BLVRA: variants seen among roughly 807,000 people sequenced by gnomAD.
BLVRA encodes biliverdin reductase A.
Under a neutral mutation model 32.8 loss-of-function variants are expected in BLVRA, and 22 were observed. That is an observed-to-expected ratio of 0.67 (90% CI 0.48 to 0.96). The LOEUF (loss-of-function observed/expected upper bound fraction) is 0.96, where lower values mean the gene tolerates loss of function less well. Ranked by LOEUF, BLVRA falls within the 40% of genes least tolerant of loss-of-function variation. The probability of loss-of-function intolerance (pLI) is 0.00; values close to 1 mark genes in which losing one functional copy is unlikely to be tolerated. For missense variants in BLVRA, 323 were observed against 358.1 expected, an observed-to-expected ratio of 0.90 and a Z score of 0.79; for synonymous variants, 119 against 141.3, an observed-to-expected ratio of 0.84 and a Z score of 1.12.
At chr7:43,790,385 T>C (rs1162707821) in intron 3 of BLVRA, among the ~76,000 whole-genome samples, 3 of 152,008 alleles carry the variant, frequency 2.0e-5, no homozygotes, top group Non-Finnish European at 4.4e-5. Flanking sequence ...GGAGAACGAA[T>C]TCCTCACCTT....
At position 43,791,246 on chromosome 7, in the gene BLVRA, T is replaced by C; in HGVS notation, c.135-3T>C. 6.2e-7 allele frequency: 1 copy of C among 1,614,106 alleles called. No homozygotes were observed. The highest frequency in any genetic ancestry group is 8.5e-7 in the Non-Finnish European group (1 of 1,180,012). ...GTTCCATTTCTCTGTTACTCTGAAA[T>C]AGAAGGGAGCTCGGGAGCATTGATG... On this transcript the variant is annotated splice_region_variant and splice_polypyrimidine_tract_variant and intron_variant, in intron 3 of 7. Transcript: ENST00000265523.
At chr7:43,778,604 C>G (rs1432794222) in intron 2 of BLVRA, among the ~76,000 whole-genome samples, 1 of 152,248 alleles carries the variant, frequency 6.6e-6, no homozygotes, top group Non-Finnish European at 1.5e-5. Flanking sequence ...GCTCGGGGGT[C>G]AGGGACCCAC....
rs372668113 is a variant in BLVRA at position 43,759,103 on chromosome 7, G to T, written c.-22+369G>T. Reference sequence around the variant, plus strand: ...CGTAGTCCGGCGGCTCCAGGAGCGCGAGCGGCTGGGCCCGGGCGTAGCCAC... The same window carrying T: ...CGTAGTCCGGCGGCTCCAGGAGCGCTAGCGGCTGGGCCCGGGCGTAGCCAC... On this transcript the variant is annotated intron_variant, in intron 1 of 7. Transcript: ENST00000265523. Among the ~76,000 whole-genome samples the T allele has an allele frequency of 1.2e-3, 184 of 152,344 alleles. 1 individual carries two copies. In the Middle Eastern group the frequency reaches 0.027, roughly 23 times the overall value.
chr7:43,805,285 T>C (rs896267218), intron 7 of BLVRA, among the ~76,000 whole-genome samples: 21 of 144,404 alleles, frequency 1.5e-4, no homozygotes, highest in South Asian at 2.1e-4. Flanking sequence ...TCTCTCTCTT[T>C]TTTTTTTTTT....
intron 7 of BLVRA, among the ~76,000 whole-genome samples, 187 bp downstream of exon 7, chr7:43,804,034 T>C (rs1318996741): frequency 6.6e-6 from 1 of 152,212 alleles, no homozygotes; most frequent in Non-Finnish European, 1.5e-5. Flanking sequence ...AGCAGCCCTG[T>C]GAGGTAAAGA....
intron 1 of BLVRA, among the ~76,000 whole-genome samples, chr7:43,765,532 G>A (rs1455364494): frequency 6.6e-6 from 1 of 152,140 alleles, no homozygotes; most frequent in Admixed American, 6.5e-5. Context: ...GATTACAGCC[G>A]TGAGCCTCCA....
At chr7:43,777,442 C>T (rs1288459972) in intron 2 of BLVRA, among the ~76,000 whole-genome samples, 1 of 125,396 alleles carries the variant, frequency 8.0e-6, no homozygotes, top group Non-Finnish European at 1.7e-5. Context: ...GTTGAAAATT[C>T]TTTTCTTTAA....
At chr7:43,797,072 T>C (rs1259967993) in intron 5 of BLVRA, among the ~76,000 whole-genome samples, 1 of 152,194 alleles carries the variant, frequency 6.6e-6, no homozygotes, top group Non-Finnish European at 1.5e-5. Flanking sequence ...AGCAAAAAGA[T>C]GGAGGATCAG....
At chr7:43,768,633 G>C (rs928741261) in intron 1 of BLVRA, among the ~76,000 whole-genome samples, 2 of 151,996 alleles carry the variant, frequency 1.3e-5, no homozygotes, top group Non-Finnish European at 2.9e-5. Flanking sequence ...CCTCACATTT[G>C]GGTGTTCTGT....
In BLVRA at chr7:43,804,674, C is replaced by G. The variant is rs2095802264; in HGVS notation, c.632+827C>G. Among the ~76,000 whole-genome samples the G allele has an allele frequency of 2.6e-5, 4 of 152,176 alleles. No individual in the cohort carries two copies. In the South Asian group the frequency reaches 8.3e-4, roughly 31 times the overall value. ...GGTCTGTGTTTCAGCTTTAGCATCC[C>G]ATCACCCTGTCACACTGTTCCCAAA... On this transcript the variant is annotated intron_variant, in intron 7 of 7. Coordinates refer to ENST00000265523, the MANE Select transcript of BLVRA (RefSeq NM_000712.4).
chr7:43,784,643 G>A (rs1015109823), intron 2 of BLVRA, among the ~76,000 whole-genome samples: 7 of 120,146 alleles, frequency 5.8e-5, no homozygotes, highest in African/African-American at 1.3e-4. Flanking sequence ...TTGCTCTGTC[G>A]CCCAGGCTGA....
In BLVRA at chr7:43,803,575, G is replaced by A. The variant is rs78873584; in HGVS notation, c.461-101G>A. ...CAAGGTCCCATTGTACTGATCACTC[G>A]GCCACATCTTTTCACACCCCCGCCA... is the stretch of plus-strand genomic sequence containing the variant. On this transcript the variant is annotated intron_variant, in intron 6 of 7. Coordinates refer to ENST00000265523, the MANE Select transcript of BLVRA (RefSeq NM_000712.4). 837 of 1,338,868 alleles carry A rather than the reference G, an allele frequency of 6.3e-4. 4 individuals carry two copies. The African/African-American group carries it at 0.011, about 17-fold the overall frequency. 82.9% of individuals were successfully genotyped at this position (1,338,868 alleles called of 1,614,324 possible).
chr7:43,788,942 C>A (rs2095781922), intron 3 of BLVRA, among the ~76,000 whole-genome samples: 1 of 151,966 alleles, frequency 6.6e-6, no homozygotes, highest in African/African-American at 2.4e-5. Context: ...CCCAGCCTCC[C>A]CCTTTTCTTT....
intron 2 of BLVRA, among the ~76,000 whole-genome samples, chr7:43,771,397 T>G (rs2095754483): frequency 6.6e-6 from 1 of 152,194 alleles, no homozygotes; most frequent in South Asian, 2.1e-4. Flanking sequence ...CCACTGCAGC[T>G]AATCCTGAAA....
intron 1 of BLVRA, among the ~76,000 whole-genome samples, chr7:43,768,940 T>C (rs899635156): frequency 1.3e-5 from 2 of 151,922 alleles, no homozygotes; most frequent in African/African-American, 2.4e-5. Context: ...GATTTTTTTT[T>C]TTTTTAAATG....
chr7:43,807,115 A>G lies in BLVRA; in HGVS notation c.771A>G (p.Ile257Met). 6.2e-7 allele frequency: 1 copy of G among 1,614,178 alleles called. No homozygotes were observed. Among genetic ancestry groups the G allele is most frequent in the Non-Finnish European group, 8.5e-7 (1 of 1,180,034 alleles). ...NKNIFLKDQN[I>M]FVQKLLGQFS... The stretch of plus-strand genomic sequence containing the variant: ...ACATATTTCTGAAAGATCAAAATAT[A>G]TTTGTCCAGAAACTCTTGGGCCAGT... The change falls in exon 8 of 8, where the codon ATA becomes ATG. Residue 257 changes from isoleucine (I) to methionine (M), a missense_variant. Transcript: ENST00000265523.
chr7:43,798,197 C>CAAA (rs56855757), intron 5 of BLVRA, among the ~76,000 whole-genome samples: 7,585 of 45,202 alleles, frequency 0.17, 1,505 homozygotes, highest in South Asian at 0.28. Context: ...CCCCATCTCA[C>CAAA]AAAAAAAAAA....
chr7:43,797,280 G>A (rs138228926), intron 5 of BLVRA, among the ~76,000 whole-genome samples: 1,986 of 152,328 alleles, frequency 0.013, 26 homozygotes, highest in Non-Finnish European at 0.02. Context: ...CAGAGATGGG[G>A]TTTCGCCATG....
chr7:43,793,613 T>C (rs991870723), intron 5 of BLVRA, among the ~76,000 whole-genome samples: 1 of 149,796 alleles, frequency 6.7e-6, no homozygotes, highest in African/African-American at 2.4e-5. Context: ...AAAAATCTTT[T>C]ACAACTTTTT....
Sources: allele counts gnomAD v4.1 joint callset (sites outside exome capture counted in the v4.1 genomes callset), GRCh38; gene constraint gnomAD v4.1.1; transcripts MANE v1.5; gene names NCBI Gene and HGNC (gene_info 2026-07-23, HGNC 2026-07-21).